The following ST3GAL3 variants were observed in gnomAD, a reference collection of about 807,000 sequenced individuals.
ST3GAL3 encodes the protein ST3 beta-galactoside alpha-2,3-sialyltransferase 3.
In ST3GAL3, 21 loss-of-function variants were observed where a neutral mutation model predicts 50.1. The ratio of observed to expected loss-of-function variants is 0.42; its 90% confidence interval spans 0.30 to 0.60. The LOEUF (loss-of-function observed/expected upper bound fraction) is 0.60, where lower values mean the gene tolerates loss of function less well. ST3GAL3 is among the 20% of genes least tolerant of loss of function. The pLI, the probability that ST3GAL3 is intolerant of heterozygous loss-of-function variation, is 0.19. For missense variants in ST3GAL3, 353 were observed against 489.4 expected (o/e 0.72, Z 2.63); for synonymous variants, 183 against 190.0 (o/e 0.96, Z 0.30).
chr1:43,772,894 G>A (rs1176915413), intron 2 of ST3GAL3, among the ~76,000 whole-genome samples: 1 of 152,020 alleles, frequency 6.6e-6, no homozygotes, highest in Non-Finnish European at 1.5e-5. Context: ...TTACAGGCAC[G>A]TGCCACCAGG....
Position 43,846,824 on chromosome 1 carries a change from A to G in ST3GAL3, c.302+8513A>G, listed in dbSNP as rs141138085. Among the ~76,000 whole-genome samples, 541 of 152,314 alleles carry G rather than the reference A, an allele frequency of 3.6e-3. 5 individuals are homozygous for G. The highest frequency in any genetic ancestry group is 0.013 in the African/African-American group (523 of 41,570). The stretch of plus-strand genomic sequence containing the variant: ...TATTTATTTTTGTTTGAAATAGTCA[A>G]TTATTTAAAATAATTTAAAAATGAG... On this transcript the variant is annotated intron_variant, in intron 5 of 11. Coordinates refer to ENST00000347631, the MANE Select transcript of ST3GAL3 (RefSeq NM_006279.5).
intron 1 of ST3GAL3, among the ~76,000 whole-genome samples, chr1:43,715,741 T>C (rs1667079760): frequency 6.6e-6 from 1 of 152,182 alleles, no homozygotes. Context: ...TGAGCTGTGA[T>C]CATGGTACTG....
At chr1:43,742,435 C>T (rs1158970874) in intron 2 of ST3GAL3, among the ~76,000 whole-genome samples, 1 of 152,172 alleles carries the variant, frequency 6.6e-6, no homozygotes, top group East Asian at 1.9e-4. Flanking sequence ...AAATCAAGAC[C>T]ACACAAATTC....
chr1:43,721,295 CTTTTTTTTTTTT>C (rs35508020), intron 1 of ST3GAL3, among the ~76,000 whole-genome samples: 1 of 99,846 alleles, frequency 1.0e-5, no homozygotes, highest in Non-Finnish European at 2.0e-5. Flanking sequence ...ATAATTAAAC[CTTTTTTTTTTTT>C]TTTTTTTTTT....
At chr1:43,823,886 A>C (rs989731364) in intron 4 of ST3GAL3, among the ~76,000 whole-genome samples, 1 of 152,260 alleles carries the variant, frequency 6.6e-6, no homozygotes, top group African/African-American at 2.4e-5. Flanking sequence ...AAATGTGATC[A>C]AGCCAGTCTT....
chr1:43,806,751 G>A (rs1474637688), intron 3 of ST3GAL3, among the ~76,000 whole-genome samples: 1 of 152,214 alleles, frequency 6.6e-6, no homozygotes, highest in Non-Finnish European at 1.5e-5. Context: ...GTGCAGCAGT[G>A]CAGTCATGGC....
intron 1 of ST3GAL3, among the ~76,000 whole-genome samples, chr1:43,723,504 C>T (rs955565720): frequency 6.6e-6 from 1 of 152,202 alleles, no homozygotes; most frequent in Admixed American, 6.5e-5. Context: ...ATGCTGCTGC[C>T]TTGCTTCTTA....
intron 9 of ST3GAL3, among the ~76,000 whole-genome samples, chr1:43,904,863 TC>T (rs2078941228): frequency 3.3e-4 from 1 of 3,048 alleles, no homozygotes. Flanking sequence ...CTCTTCCTCC[TC>T]CTCCTCCTGC....
Position 43,899,011 on chromosome 1 carries a change from A to G in ST3GAL3, c.462-157A>G. ...GGCCCAGCTACCCATTGTATGGTTCAGGCCTTCTCTCAGAAATGCTGCCAG... is the reference window on the plus strand; with the variant it reads ...GGCCCAGCTACCCATTGTATGGTTCGGGCCTTCTCTCAGAAATGCTGCCAG... On this transcript the variant is annotated intron_variant, in intron 7 of 11. Transcript: ENST00000347631. The surrounding 1 kb of genome is among the most constrained non-coding windows in gnomAD (Gnocchi z 5.4). 1.1e-6 allele frequency: 1 copy of G among 939,602 alleles called. No homozygotes were observed. The highest frequency in any genetic ancestry group is 1.6e-6 in the Non-Finnish European group (1 of 617,364). 58.2% of individuals were successfully genotyped at this position (939,602 alleles called of 1,614,324 possible). A position where few individuals can be genotyped will look rare whatever the true frequency, so the allele number is the denominator to read the frequency against.
intron 3 of ST3GAL3, among the ~76,000 whole-genome samples, chr1:43,807,780 T>C (rs1414883438): frequency 6.6e-6 from 1 of 152,160 alleles, no homozygotes; most frequent in Admixed American, 6.5e-5. Flanking sequence ...TAAAAGGTCA[T>C]AGTAATGAAT....
In ST3GAL3 at chr1:43,850,939, T is replaced by C. The variant is rs536706838; in HGVS notation, c.302+12628T>C. 3 of 1,097,410 alleles carry C rather than the reference T, an allele frequency of 2.7e-6. No homozygotes were observed. In the East Asian group the frequency reaches 7.1e-5, roughly 26 times the overall value. 68.0% of individuals were successfully genotyped at this position (1,097,410 alleles called of 1,614,324 possible). A position where few individuals can be genotyped will look rare whatever the true frequency, so the allele number is the denominator to read the frequency against. The stretch of plus-strand genomic sequence containing the variant: ...TTGGGATCCATACTTTGCCCTCCTT[T>C]CCTGTAGAAGATCGTGCGGACTTGG... On this transcript the variant is annotated intron_variant, in intron 5 of 11. Transcript: ENST00000347631.
chr1:43,775,283 G>C (rs1343039977), intron 2 of ST3GAL3, among the ~76,000 whole-genome samples: 1 of 151,442 alleles, frequency 6.6e-6, no homozygotes, highest in Admixed American at 6.6e-5. Flanking sequence ...ACCCAGGCTG[G>C]AGTGGAATGG....
chr1:43,836,575 AGGCAGCCT>A (rs2064361777), intron 4 of ST3GAL3, among the ~76,000 whole-genome samples: 1 of 152,254 alleles, frequency 6.6e-6, no homozygotes, highest in African/African-American at 2.4e-5. Context: ...ACCCTGCAGA[AGGCAGCCT>A]GGAGGGTAGG....
At chr1:43,786,590 T>C (rs995639750) in intron 2 of ST3GAL3, among the ~76,000 whole-genome samples, 3 of 152,194 alleles carry the variant, frequency 2.0e-5, no homozygotes, top group African/African-American at 7.2e-5. Flanking sequence ...TTGGTCTCCG[T>C]TACATGCTTT....
intron 9 of ST3GAL3, among the ~76,000 whole-genome samples, chr1:43,902,196 G>A (rs1420217935): frequency 6.6e-6 from 1 of 152,208 alleles, no homozygotes; most frequent in African/African-American, 2.4e-5. Context: ...TACAGCCTCT[G>A]GGCTTCTGGA....
At chr1:43,842,762 C>A (rs1041057653) in intron 5 of ST3GAL3, 2 of 143,390 alleles carry the variant, frequency 1.4e-5, no homozygotes, top group African/African-American at 5.2e-5. Context: ...GCCGAGATCA[C>A]GCCACTGCAC....
chr1:43,853,460 CG>C (rs373782172), intron 5 of ST3GAL3, among the ~76,000 whole-genome samples: 115 of 152,266 alleles, frequency 7.6e-4, no homozygotes, highest in African/African-American at 2.6e-3. Context: ...GCAGTTTGCC[CG>C]AGGTCACACA....
chr1:43,787,024 G>A (rs1352944083), intron 2 of ST3GAL3, among the ~76,000 whole-genome samples: 1 of 152,196 alleles, frequency 6.6e-6, no homozygotes, highest in Admixed American at 6.5e-5. Flanking sequence ...GAAAGACTGA[G>A]CCCTATTCTT....
At chr1:43,920,692 A>G in intron 10 of ST3GAL3, 90 bp from the exon 11 acceptor site, 1 of 1,611,008 alleles carries the variant, frequency 6.2e-7, no homozygotes, top group East Asian at 2.2e-5. Context: ...CATGGAGGCT[A>G]GCTCTAGGGA....
Sources: gnomAD v4.1 joint callset for allele counts (sites outside exome capture counted in the v4.1 genomes callset) on GRCh38, gnomAD v4.1.1 for gene constraint, Gnocchi (gnomAD v3.1) non-coding constraint, MANE v1.5 for transcripts, NCBI Gene and HGNC (gene_info 2026-07-23, HGNC 2026-07-21) for gene names.